EPHA6: variants seen among roughly 807,000 people sequenced by gnomAD.
EPHA6 encodes the protein EPH receptor A6, also known as ephrin type-A receptor 6.
Under a neutral mutation model 112.0 loss-of-function variants are expected in EPHA6, and 50 were observed. That is an observed-to-expected ratio of 0.45 (90% confidence interval 0.36 to 0.56). The LOEUF is 0.56. Ranked by LOEUF, EPHA6 falls within the 20% of genes least tolerant of loss-of-function variation. The pLI is 0.00. For missense variants in EPHA6, 1,280 were observed against 1,417.4 expected (o/e 0.90, Z 1.56); for synonymous variants, 529 against 490.7 (o/e 1.08, Z -1.03).
intron 1 of EPHA6, among the ~76,000 whole-genome samples, chr3:96,817,075 C>T (rs1009328622): frequency 1.3e-5 from 2 of 151,750 alleles, no homozygotes; most frequent in East Asian, 3.9e-4. Context: ...ATTGATATAC[C>T]GATAACACAG....
intron 2 of EPHA6, among the ~76,000 whole-genome samples, chr3:96,935,317 G>A (rs532263821): frequency 1.3e-5 from 2 of 151,640 alleles, no homozygotes; most frequent in African/African-American, 4.8e-5. Context: ...AACAAATTAA[G>A]AATGATATAT....
chr3:97,210,218 T>A (rs1439583170), intron 3 of EPHA6, among the ~76,000 whole-genome samples: 4 of 152,076 alleles, frequency 2.6e-5, no homozygotes. Flanking sequence ...AAAGAAAAAA[T>A]GTTTAATTGA....
intron 14 of EPHA6, among the ~76,000 whole-genome samples, chr3:97,688,598 A>G (rs1236653284): frequency 1.6e-5 from 2 of 126,672 alleles, no homozygotes; most frequent in African/African-American, 5.8e-5. Context: ...GGGGGGAGGG[A>G]TAGCATTAGG....
intron 3 of EPHA6, among the ~76,000 whole-genome samples, chr3:97,173,370 G>A (rs566088300): frequency 1.8e-4 from 28 of 151,812 alleles, no homozygotes; most frequent in Non-Finnish European, 3.0e-5. Context: ...AGACCAATGT[G>A]GAAAAAATAT....
chr3:97,120,413 G>A (rs2048010030), intron 3 of EPHA6, among the ~76,000 whole-genome samples: 1 of 151,476 alleles, frequency 6.6e-6, no homozygotes, highest in Non-Finnish European at 1.5e-5. Context: ...GCTATTGATT[G>A]TACTTAGAGT....
intron 3 of EPHA6, among the ~76,000 whole-genome samples, chr3:97,105,289 A>G (rs1448749992): frequency 6.6e-6 from 1 of 151,984 alleles, no homozygotes; most frequent in Non-Finnish European, 1.5e-5. Flanking sequence ...GTCCCTCTTA[A>G]CACTGTCTTA....
At chr3:97,087,474 G>T (rs1204382120) in intron 3 of EPHA6, among the ~76,000 whole-genome samples, 1 of 152,122 alleles carries the variant, frequency 6.6e-6, no homozygotes, top group South Asian at 2.1e-4. Flanking sequence ...TTTCTGTACT[G>T]CATAAGAAGC....
chr3:96,928,665 A>G (rs2040163328), intron 2 of EPHA6, among the ~76,000 whole-genome samples: 1 of 152,024 alleles, frequency 6.6e-6, no homozygotes, highest in African/African-American at 2.4e-5. Context: ...TCAGGTCCTG[A>G]ATATTTTTGT....
chr3:97,201,548 G>A (rs371347695), intron 3 of EPHA6, among the ~76,000 whole-genome samples: 11 of 151,928 alleles, frequency 7.2e-5, no homozygotes, highest in South Asian at 4.1e-4. Flanking sequence ...TTAAACATAC[G>A]AACACTATTT....
At chr3:97,292,895 G>C (rs1222139031) in intron 5 of EPHA6, among the ~76,000 whole-genome samples, 1 of 151,636 alleles carries the variant, frequency 6.6e-6, no homozygotes, top group South Asian at 2.1e-4. Context: ...TGAGCGTCCA[G>C]CTCTCAGTGG....
At chr3:96,939,618 A>G (rs2040818014) in intron 2 of EPHA6, among the ~76,000 whole-genome samples, 1 of 151,992 alleles carries the variant, frequency 6.6e-6, no homozygotes, top group East Asian at 1.9e-4. Context: ...TTCTGCTCTG[A>G]TGTTAGTTAT....
In EPHA6 at chr3:97,753,383, A is replaced by G. The variant is rs531040582; in HGVS notation, c.*4682A>G. Among the ~76,000 whole-genome samples the G allele has an allele frequency of 6.6e-6, 1 of 152,310 alleles. No homozygotes were observed. Among genetic ancestry groups the G allele is most frequent in the South Asian group, 2.1e-4 (1 of 4,824 alleles). Reference sequence around the variant, plus strand: ...TTCGTCCAGTGTGAATTGGATTTGCAATTCTAATTCAAATGGAAAGAAATA... The same window carrying G: ...TTCGTCCAGTGTGAATTGGATTTGCGATTCTAATTCAAATGGAAAGAAATA... On this transcript the variant is annotated 3_prime_UTR_variant, in exon 18 of 18. Coordinates refer to ENST00000389672, the MANE Select transcript of EPHA6 (RefSeq NM_001080448.3).
chr3:97,139,710 A>G (rs2075851007), intron 3 of EPHA6, among the ~76,000 whole-genome samples: 1 of 152,192 alleles, frequency 6.6e-6, no homozygotes, highest in Admixed American at 6.5e-5. Context: ...AGAAAATTCA[A>G]AAGTAAAAGT....
intron 2 of EPHA6, among the ~76,000 whole-genome samples, chr3:96,932,363 A>G (rs548951912): frequency 3.3e-5 from 5 of 152,324 alleles, no homozygotes; most frequent in African/African-American, 1.2e-4. Context: ...CTCTTTTGGG[A>G]GAAAATTTTC....
At chr3:97,095,957 T>G (rs1221165160) in intron 3 of EPHA6, among the ~76,000 whole-genome samples, 9 of 151,916 alleles carry the variant, frequency 5.9e-5, no homozygotes, top group Non-Finnish European at 8.8e-5. Flanking sequence ...TCCACTCTAA[T>G]GCTCAGAACA....
chr3:97,470,653 A>G (rs1400544026), intron 7 of EPHA6, among the ~76,000 whole-genome samples: 3 of 148,298 alleles, frequency 2.0e-5, no homozygotes, highest in Non-Finnish European at 4.4e-5. Context: ...TTAGATTCCA[A>G]GTAAAGCATT....
intron 12 of EPHA6, among the ~76,000 whole-genome samples, chr3:97,603,313 G>A (rs946208102): frequency 7.2e-5 from 11 of 151,880 alleles, no homozygotes; most frequent in Non-Finnish European, 1.0e-4. Context: ...CTCTGGAACC[G>A]GCAGGAAAAT....
chr3:97,276,064 A>G (rs911020604), intron 5 of EPHA6, among the ~76,000 whole-genome samples: 1 of 152,138 alleles, frequency 6.6e-6, no homozygotes, highest in African/African-American at 2.4e-5. Flanking sequence ...CTGGCCGTCA[A>G]TACCCACAAC....
At position 97,300,240 on chromosome 3, in the gene EPHA6, T is replaced by TA. The variant is rs543888281; in HGVS notation, c.1606+55958dup. 1.2e-4 allele frequency among the ~76,000 whole-genome samples: 19 copies of TA among 152,294 alleles called. No homozygotes were observed. The East Asian group carries it at 3.7e-3, about 29-fold the overall frequency. On this transcript the variant is annotated intron_variant, in intron 5 of 17. Coordinates refer to ENST00000389672, the MANE Select transcript of EPHA6 (RefSeq NM_001080448.3). ...GAATTGCTCAGATCTTCAGTTGTCT[T>TA]AAAAACAGTAAAAAAAAATTACTTC... is the stretch of plus-strand genomic sequence containing the variant.
Sources: gnomAD v4.1 joint callset for allele counts (sites outside exome capture counted in the v4.1 genomes callset) on GRCh38, gnomAD v4.1.1 for gene constraint, MANE v1.5 for transcripts, NCBI Gene and HGNC (gene_info 2026-07-23, HGNC 2026-07-21) for gene names.